The following CHKA variants were observed in gnomAD, a reference collection of about 807,000 sequenced individuals.
CHKA encodes the protein choline kinase alpha.
A neutral mutation model predicts 60.1 loss-of-function variants in CHKA; 34 were observed. That is an observed-to-expected ratio of 0.57 (90% CI 0.43 to 0.75). The LOEUF is 0.75. CHKA is among the 30% of genes least tolerant of loss of function. The probability of loss-of-function intolerance (pLI) is 0.00; values close to 1 mark genes in which losing one functional copy is unlikely to be tolerated. For synonymous variants in CHKA, 217 were observed against 223.1 expected (o/e 0.97, Z 0.24); for missense variants, 563 against 561.3 (o/e 1.00, Z -0.03).
chr11:68,070,434 G>A (rs935933731), intron 5 of CHKA, 141 bp from the exon 6 acceptor site: 1 of 715,874 alleles, frequency 1.4e-6, no homozygotes, highest in Non-Finnish European at 2.3e-6. Flanking sequence ...TGCCATGACT[G>A]AGGGGAAGAG....
chr11:68,084,611 T>C (rs965363342), intron 2 of CHKA, among the ~76,000 whole-genome samples: 2 of 151,548 alleles, frequency 1.3e-5, no homozygotes, highest in African/African-American at 4.8e-5. Flanking sequence ...AAAACTAAGC[T>C]TTTTACATTT....
At chr11:68,085,808 G>A (rs1031490945) in intron 2 of CHKA, among the ~76,000 whole-genome samples, 1 of 152,000 alleles carries the variant, frequency 6.6e-6, no homozygotes, top group African/African-American at 2.4e-5. Flanking sequence ...CTGTCACCCA[G>A]GCTAGAGTGC....
At chr11:68,078,729 T>C (rs2457180) in intron 3 of CHKA, among the ~76,000 whole-genome samples, 89,487 of 151,984 alleles carry the variant, frequency 0.59, 26,569 homozygotes, top group Middle Eastern at 0.73. Flanking sequence ...TGAGGAGACA[T>C]TTCCAAAATA....
chr11:68,115,382 T>C (rs919654538), intron 1 of CHKA, among the ~76,000 whole-genome samples: 5 of 152,230 alleles, frequency 3.3e-5, no homozygotes, highest in African/African-American at 1.2e-4. Flanking sequence ...GGATGTAGTG[T>C]GTTATGGACT....
At chr11:68,091,910 A>G (rs1281585497) in intron 2 of CHKA, among the ~76,000 whole-genome samples, 3 of 152,258 alleles carry the variant, frequency 2.0e-5, no homozygotes, top group Non-Finnish European at 4.4e-5. Context: ...AAGAAGGGAC[A>G]TACTAAACTA....
Position 68,053,702 on chromosome 11 carries a change from C to A in CHKA, c.*286G>T. On this transcript the variant is annotated 3_prime_UTR_variant, in exon 12 of 12. Transcript: ENST00000265689. ...TCATCTGACTGGAAACCTTAGCCCC[C>A]AAATATGAAATGCCTTCTCTAGATT... 3.0e-6 allele frequency: 1 copy of A among 337,180 alleles called. No homozygotes were observed. Among genetic ancestry groups the A allele is most frequent in the Non-Finnish European group, 5.5e-6 (1 of 183,468 alleles). 20.9% of individuals were successfully genotyped at this position (337,180 alleles called of 1,614,324 possible).
intron 2 of CHKA, among the ~76,000 whole-genome samples, chr11:68,093,902 T>C (rs777618685): frequency 1.4e-4 from 21 of 152,222 alleles, no homozygotes; most frequent in Non-Finnish European, 1.3e-4. Context: ...ACTTGCCACA[T>C]TCCACATATT....
chr11:68,118,731 G>A (rs1169059976), intron 1 of CHKA, among the ~76,000 whole-genome samples: 2 of 152,118 alleles, frequency 1.3e-5, no homozygotes, highest in South Asian at 2.1e-4. Flanking sequence ...ATGTAAAAAG[G>A]TCATCCAATC....
chr11:68,112,053 CAAAAAAAAAAA>C lies in CHKA; in HGVS notation c.350+8764_350+8774del, dbSNP rs754639082. The stretch of plus-strand genomic sequence containing the variant: ...GGGCAACAACAGCAAAACTCCGTCT[CAAAAAAAAAAA>C]AAAAAAAAAAAAAAGTCCTGGAACA... On this transcript the variant is annotated intron_variant, in intron 1 of 11. Coordinates refer to ENST00000265689, the MANE Select transcript of CHKA (RefSeq NM_001277.3). Among the ~76,000 whole-genome samples, 15 of 20,900 alleles carry C rather than the reference CAAAAAAAAAAA, an allele frequency of 7.2e-4. 1 individual carries two copies. The highest frequency in any genetic ancestry group is 2.5e-4 in the African/African-American group (1 of 4,020). 13.7% of individuals were successfully genotyped at this position (20,900 alleles called of 152,430 possible). A position where few individuals can be genotyped will look rare whatever the true frequency, so the allele number is the denominator to read the frequency against.
Position 68,120,816 on chromosome 11 carries a change from G to A in CHKA, c.350+12C>T. 8.7e-7 allele frequency: 1 copy of A among 1,148,152 alleles called. No individual in the cohort carries two copies. Among genetic ancestry groups the A allele is most frequent in the Admixed American group, 3.4e-5 (1 of 29,556 alleles). 71.1% of individuals were successfully genotyped at this position (1,148,152 alleles called of 1,614,324 possible). A position where few individuals can be genotyped will look rare whatever the true frequency, so the allele number is the denominator to read the frequency against. On this transcript the variant is annotated intron_variant, in intron 1 of 11. Transcript: ENST00000265689. Reference sequence around the variant, plus strand: ...TGACTGTCCCGCGGCCCCCAGACCCGGCGCCACCGACCTGATGACACTGAT... The same window carrying A: ...TGACTGTCCCGCGGCCCCCAGACCCAGCGCCACCGACCTGATGACACTGAT...
At chr11:68,099,262 A>C (rs954322699) in intron 1 of CHKA, among the ~76,000 whole-genome samples, 1 of 152,354 alleles carries the variant, frequency 6.6e-6, no homozygotes, top group South Asian at 2.1e-4. Flanking sequence ...AGCTGCAAGT[A>C]TCTGTGATTA....
At chr11:68,057,921 G>C (rs1009708563) in intron 11 of CHKA, among the ~76,000 whole-genome samples, 3 of 152,102 alleles carry the variant, frequency 2.0e-5, no homozygotes, top group Non-Finnish European at 2.9e-5. Flanking sequence ...TTTTGAGATG[G>C]GGTCTTGCTC....
chr11:68,092,087 T>C (rs1857367784), intron 2 of CHKA, among the ~76,000 whole-genome samples: 1 of 152,180 alleles, frequency 6.6e-6, no homozygotes, highest in South Asian at 2.1e-4. Flanking sequence ...GAGATACCAG[T>C]TATATTGTAT....
intron 10 of CHKA, 121 bp from the exon 11 acceptor site, chr11:68,062,155 G>A: frequency 5.8e-6 from 4 of 687,092 alleles, no homozygotes; most frequent in African/African-American, 1.8e-5. Flanking sequence ...GTTAGTGTTG[G>A]CAAATCATGG....
chr11:68,068,552 G>A (rs114059555), intron 7 of CHKA, among the ~76,000 whole-genome samples: 126 of 152,090 alleles, frequency 8.3e-4, no homozygotes, highest in African/African-American at 3.0e-3. Context: ...CAAGTAGCTG[G>A]GACTACAGGT....
intron 3 of CHKA, among the ~76,000 whole-genome samples, chr11:68,075,224 G>C (rs1442514507): frequency 6.6e-6 from 1 of 152,034 alleles, no homozygotes; most frequent in Non-Finnish European, 1.5e-5. Flanking sequence ...ATTTGCTTTT[G>C]GTTGAGTGTG....
At chr11:68,115,236 C>A (rs1401936373) in intron 1 of CHKA, among the ~76,000 whole-genome samples, 1 of 152,154 alleles carries the variant, frequency 6.6e-6, no homozygotes, top group Non-Finnish European at 1.5e-5. Flanking sequence ...GTATTAAATG[C>A]ATTTCAATTT....
chr11:68,099,307 G>A (rs1277291462), intron 1 of CHKA, among the ~76,000 whole-genome samples: 4 of 152,192 alleles, frequency 2.6e-5, no homozygotes, highest in African/African-American at 7.2e-5. Flanking sequence ...ATTTAAATGG[G>A]TGAATTGTAT....
At chr11:68,077,779 G>A (rs1047383505) in intron 3 of CHKA, among the ~76,000 whole-genome samples, 1 of 152,120 alleles carries the variant, frequency 6.6e-6, no homozygotes, top group Non-Finnish European at 1.5e-5. Flanking sequence ...GACTGGTGTG[G>A]TGGTGTGGGT....
Sources: allele counts gnomAD v4.1 joint callset (sites outside exome capture counted in the v4.1 genomes callset), GRCh38; gene constraint gnomAD v4.1.1; transcripts MANE v1.5; gene names NCBI Gene and HGNC (gene_info 2026-07-23, HGNC 2026-07-21).